Variants in PIK3R3 observed in about 807,000 individuals in gnomAD.
PIK3R3 encodes the protein phosphoinositide-3-kinase regulatory subunit 3.
Under a neutral mutation model 62.9 loss-of-function variants are expected in PIK3R3, and 64 were observed. That is an observed-to-expected ratio of 1.02 (90% CI 0.83 to 1.25). The LOEUF (loss-of-function observed/expected upper bound fraction) is 1.25. Ranked by LOEUF, PIK3R3 falls within the 50% of genes most tolerant of loss-of-function variation. PIK3R3 has a pLI of 0.00. For missense variants in PIK3R3, 614 were observed against 561.6 expected (o/e 1.09, Z -0.94); for synonymous variants, 165 against 189.0 (o/e 0.87, Z 1.04).
At chr1:46,080,521 G>T in intron 2 of PIK3R3, 121 bp downstream of exon 2, 1 of 699,404 alleles carries the variant, frequency 1.4e-6, no homozygotes, top group Non-Finnish European at 2.5e-6. Flanking sequence ...TCAGCCTCCT[G>T]AGTTGCTGGG....
chr1:46,144,778 A>C, the PIK3R3 span, among the ~76,000 whole-genome samples: 7 of 151,738 alleles, frequency 4.6e-5, no homozygotes, highest in East Asian at 3.9e-4. Flanking sequence ...AAAAAAAAAA[A>C]AAAACGACTC....
chr1:46,142,416 A>G, the PIK3R3 span, among the ~76,000 whole-genome samples: 1 of 152,202 alleles, frequency 6.6e-6, no homozygotes, highest in Non-Finnish European at 1.5e-5. Context: ...TTAATTACAG[A>G]GGCCGGGCGC....
chr1:46,077,590 C>T lies in PIK3R3; in HGVS notation c.239G>A (p.Arg80Gln), dbSNP rs761492767. Reference protein sequence around the residue: ...ISREEVNDKLRDMPDGTFLVR... With the variant: ...ISREEVNDKLQDMPDGTFLVR... ...CAAGAAGGTCCCATCTGGCATATCC[C>T]GCAATTTGTCATTTACCTCCTCCCT... The change falls in exon 3 of 10, where the codon CGG becomes CAG. Residue 80 changes from arginine to glutamine, a missense_variant. Physicochemically the swap from Arg to Gln is conservative, Grantham distance 43. Transcript: ENST00000262741. 6 of 1,609,210 alleles carry T rather than the reference C, an allele frequency of 3.7e-6. No homozygotes were observed. Among genetic ancestry groups the T allele is most frequent in the African/African-American group, 2.7e-5 (2 of 74,784 alleles).
In PIK3R3 at chr1:46,067,088, C is replaced by T. The variant is rs2149397239; in HGVS notation, c.318G>A (p.Lys106=). The part of the protein sequence containing the change: ...MQGDYTLTLR[K]GGNNKLIKIY... ...TCTTTATTAACTTATTATTGCCTCC[C>T]TTCCTGTGAACAACAAGACAACAAC... Residue 106 remains lysine (K), a synonymous_variant, in exon 4 of 10, where the codon AAG becomes AAA. Coordinates refer to ENST00000262741, the MANE Select transcript of PIK3R3 (RefSeq NM_003629.4). 2 of 1,554,472 alleles carry T rather than the reference C, an allele frequency of 1.3e-6. No individual in the cohort carries two copies. The highest frequency in any genetic ancestry group is 2.4e-5 in the East Asian group (1 of 42,000).
intron 1 of PIK3R3, among the ~76,000 whole-genome samples, chr1:46,123,015 A>C (rs1012189782): frequency 2.0e-5 from 3 of 151,996 alleles, no homozygotes; most frequent in African/African-American, 7.3e-5. Flanking sequence ...TGAGCCCAAG[A>C]GTTTAGGCTG....
the PIK3R3 span, among the ~76,000 whole-genome samples, chr1:46,144,193 T>C: frequency 5.9e-5 from 9 of 152,242 alleles, no homozygotes; most frequent in Non-Finnish European, 8.8e-5. Context: ...ATTATGGCCA[T>C]GTTCACCCTG....
At chr1:46,120,094 T>G (rs1007859877) in intron 1 of PIK3R3, among the ~76,000 whole-genome samples, 2 of 152,204 alleles carry the variant, frequency 1.3e-5, no homozygotes, top group Non-Finnish European at 1.5e-5. Flanking sequence ...GTGTATAGTT[T>G]TGCAAAATGT....
At position 46,132,533 on chromosome 1, in the gene PIK3R3, G is replaced by T; in HGVS notation, c.-581C>A. On this transcript the variant is annotated 5_prime_UTR_variant, in exon 1 of 10. Coordinates refer to ENST00000262741, the MANE Select transcript of PIK3R3 (RefSeq NM_003629.4). ...AAGCTGCCGCAGCCTCGGGAATGGG[G>T]CCGGCCGGAGAAGTCCAGTCAGCTC... 1 of 1,249,786 alleles carries T rather than the reference G, an allele frequency of 8.0e-7. No individual in the cohort carries two copies. The highest frequency in any genetic ancestry group is 1.0e-6 in the Non-Finnish European group (1 of 968,328). 77.4% of individuals were successfully genotyped at this position (1,249,786 alleles called of 1,614,324 possible).
At chr1:46,105,840 G>A (rs985611344) in intron 1 of PIK3R3, among the ~76,000 whole-genome samples, 6 of 151,734 alleles carry the variant, frequency 4.0e-5, no homozygotes, top group South Asian at 4.2e-4. Flanking sequence ...GCAAAACTCC[G>A]CCTCAAAAAA....
upstream of PIK3R3, among the ~76,000 whole-genome samples, chr1:46,136,283 T>C (rs892129782): frequency 6.6e-6 from 1 of 152,110 alleles, no homozygotes; most frequent in Non-Finnish European, 1.5e-5. Context: ...TTGCAGATTT[T>C]TAGGGCCTCC....
chr1:46,067,093 T>G lies in PIK3R3; in HGVS notation c.315-2A>C. 1.9e-6 allele frequency: 3 copies of G among 1,549,488 alleles called. No homozygotes were observed. Among genetic ancestry groups the G allele is most frequent in the Non-Finnish European group, 2.6e-6 (3 of 1,150,548 alleles). ...ATTAACTTATTATTGCCTCCCTTCC[T>G]GTGAACAACAAGACAACAACTGTGG... is the stretch of plus-strand genomic sequence containing the variant. On this transcript the variant is annotated splice_acceptor_variant, in intron 3 of 9. Transcript: ENST00000262741. LOFTEE classifies it high-confidence loss of function.
chr1:46,154,033 GAC>G, the PIK3R3 span, among the ~76,000 whole-genome samples: 1 of 152,206 alleles, frequency 6.6e-6, no homozygotes, highest in Non-Finnish European at 1.5e-5. Flanking sequence ...ACATAATAAA[GAC>G]ACTGCATGTA....
the PIK3R3 span, among the ~76,000 whole-genome samples, chr1:46,165,931 C>A: frequency 1.3e-5 from 2 of 151,298 alleles, no homozygotes; most frequent in Admixed American, 6.6e-5. Flanking sequence ...CCACCGCACC[C>A]GGCTAATTTT....
chr1:46,049,985 G>A (rs1647221752), intron 7 of PIK3R3, among the ~76,000 whole-genome samples: 1 of 151,920 alleles, frequency 6.6e-6, no homozygotes, highest in Non-Finnish European at 1.5e-5. Context: ...GCCAGGCATG[G>A]TGGCGCACGC....
chr1:46,127,246 G>A (rs1246950786), intron 1 of PIK3R3, among the ~76,000 whole-genome samples: 2 of 151,626 alleles, frequency 1.3e-5, no homozygotes, highest in African/African-American at 2.4e-5. Context: ...AGAGGCTGAA[G>A]TGGAAGGATC....
chr1:46,094,091 A>G (rs1651895708), intron 1 of PIK3R3, among the ~76,000 whole-genome samples: 1 of 151,980 alleles, frequency 6.6e-6, no homozygotes, highest in Non-Finnish European at 1.5e-5. Context: ...AGTGTCGAAG[A>G]TGAACGATGT....
chr1:46,063,315 T>G (rs1168133500), intron 5 of PIK3R3, among the ~76,000 whole-genome samples: 2 of 152,170 alleles, frequency 1.3e-5, no homozygotes, highest in Non-Finnish European at 2.9e-5. Context: ...GCTAGAACAT[T>G]AGAGGATTAG....
intron 1 of PIK3R3, among the ~76,000 whole-genome samples, chr1:46,083,920 T>A (rs1189345912): frequency 1.3e-5 from 2 of 152,194 alleles, no homozygotes; most frequent in African/African-American, 2.4e-5. Context: ...CACTCTTACA[T>A]ATACCCAAGA....
At chr1:46,174,038 T>C in the PIK3R3 span, among the ~76,000 whole-genome samples, 1 of 152,288 alleles carries the variant, frequency 6.6e-6, no homozygotes, top group African/African-American at 2.4e-5. Flanking sequence ...TGCTTGTGTC[T>C]GGGTGCATGC....
Sources: gnomAD v4.1 joint callset for allele counts (sites outside exome capture counted in the v4.1 genomes callset) on GRCh38, gnomAD v4.1.1 for gene constraint, MANE v1.5 for transcripts, NCBI Gene and HGNC (gene_info 2026-07-23, HGNC 2026-07-21) for gene names.